The following CHST11 variants were observed in gnomAD, a reference collection of about 807,000 sequenced individuals.
The protein encoded by CHST11 is C4S-1.
In CHST11, 9 loss-of-function variants were observed where a neutral mutation model predicts 30.4. The ratio of observed to expected loss-of-function variants is 0.30; its 90% confidence interval spans 0.18 to 0.52. CHST11 has a LOEUF of 0.52. CHST11 is among the 20% of genes least tolerant of loss of function. CHST11 has a pLI of 0.97. For missense variants in CHST11, 348 were observed against 460.6 expected (o/e 0.76, Z 2.24); for synonymous variants, 152 against 187.8 (o/e 0.81, Z 1.56).
intron 2 of CHST11, among the ~76,000 whole-genome samples, chr12:104,625,228 A>T (rs988593195): frequency 3.3e-5 from 5 of 152,230 alleles, no homozygotes; most frequent in African/African-American, 1.2e-4. Flanking sequence ...CTAGAAAAGC[A>T]AATAGACTTC....
intron 2 of CHST11, among the ~76,000 whole-genome samples, chr12:104,629,559 T>A (rs954979388): frequency 1.3e-5 from 2 of 152,098 alleles, no homozygotes; most frequent in African/African-American, 4.8e-5. Flanking sequence ...CAGTGGCTCA[T>A]GCCTATAATC....
chr12:104,658,985 C>T (rs1032798409), intron 2 of CHST11, among the ~76,000 whole-genome samples: 2 of 152,212 alleles, frequency 1.3e-5, no homozygotes, highest in Non-Finnish European at 2.9e-5. Context: ...ACTTTATAAA[C>T]CACTTCTACT....
intron 2 of CHST11, among the ~76,000 whole-genome samples, chr12:104,701,090 A>T (rs1015396113): frequency 6.6e-6 from 1 of 152,184 alleles, no homozygotes; most frequent in Non-Finnish European, 1.5e-5. Context: ...GATGCCTGCC[A>T]TAGTCCAGTC....
intron 2 of CHST11, among the ~76,000 whole-genome samples, chr12:104,742,341 C>T (rs2040353816): frequency 6.6e-6 from 1 of 152,130 alleles, no homozygotes. Flanking sequence ...CTCTGGGAGG[C>T]CCATCGTGGT....
At position 104,486,864 on chromosome 12, in the gene CHST11, G is replaced by T. The variant is rs75230307; in HGVS notation, c.118+29335G>T. Among the ~76,000 whole-genome samples the T allele has an allele frequency of 2.3e-3, 346 of 152,236 alleles. 2 individuals carry two copies. The highest frequency in any genetic ancestry group is 8.0e-3 in the African/African-American group (333 of 41,536). On this transcript the variant is annotated intron_variant, in intron 1 of 2. Coordinates refer to ENST00000303694, the MANE Select transcript of CHST11 (RefSeq NM_018413.6). ...GAAGAGCATGTTTAAAACGAAGGGG[G>T]GCATACTAGCCTTCTACCCTTTGTT...
At chr12:104,534,845 TC>T (rs1366016329) in intron 1 of CHST11, among the ~76,000 whole-genome samples, 1 of 152,238 alleles carries the variant, frequency 6.6e-6, no homozygotes, top group Non-Finnish European at 1.5e-5. Context: ...GGGCTAGAAA[TC>T]TTTTTATTTC....
At chr12:104,667,578 T>A (rs911961945) in intron 2 of CHST11, among the ~76,000 whole-genome samples, 8 of 152,152 alleles carry the variant, frequency 5.3e-5, no homozygotes, top group Admixed American at 1.3e-4. Flanking sequence ...GGTCCTAACT[T>A]TTTCATCTGC....
At chr12:104,605,192 C>T in intron 2 of CHST11, among the ~76,000 whole-genome samples, 1 of 149,604 alleles carries the variant, frequency 6.7e-6, no homozygotes. Context: ...CAGATTTTCA[C>T]TGGACAAAGG....
At chr12:104,726,662 TAG>T (rs1408558001) in intron 2 of CHST11, among the ~76,000 whole-genome samples, 3 of 152,082 alleles carry the variant, frequency 2.0e-5, no homozygotes, top group African/African-American at 7.2e-5. Context: ...GGCTGGTCTA[TAG>T]GTGTAATGGG....
chr12:104,472,792 G>T (rs1291086558), intron 1 of CHST11, among the ~76,000 whole-genome samples: 1 of 151,724 alleles, frequency 6.6e-6, no homozygotes, highest in African/African-American at 2.4e-5. Flanking sequence ...GGTGGTGATG[G>T]TGGTGGTTGT....
intron 2 of CHST11, among the ~76,000 whole-genome samples, chr12:104,687,504 GA>G (rs1273084683): frequency 6.6e-6 from 1 of 152,210 alleles, no homozygotes; most frequent in Non-Finnish European, 1.5e-5. Flanking sequence ...TTTTACAGAT[GA>G]AGAAAGAGGC....
intron 1 of CHST11, among the ~76,000 whole-genome samples, chr12:104,547,780 G>A (rs1448116384): frequency 9.2e-5 from 14 of 152,194 alleles, no homozygotes; most frequent in Admixed American, 8.5e-4. Flanking sequence ...AATGAGAATA[G>A]TTGTAGTATC....
At chr12:104,479,864 C>A (rs1334467806) in intron 1 of CHST11, among the ~76,000 whole-genome samples, 1 of 152,174 alleles carries the variant, frequency 6.6e-6, no homozygotes, top group Non-Finnish European at 1.5e-5. Flanking sequence ...TGGCTCACCA[C>A]CATGTCTGCC....
chr12:104,605,471 C>CCGGAGGCTGAGGCAGGAGAATGG (rs1423981102), intron 2 of CHST11, among the ~76,000 whole-genome samples: 11 of 152,164 alleles, frequency 7.2e-5, no homozygotes, highest in African/African-American at 2.4e-4. Context: ...CCCAGCTTCT[C>CCGGAGGCTGAGGCAGGAGAATGG]CGGAGGCTGA....
At chr12:104,518,409 T>A (rs141735130) in intron 1 of CHST11, among the ~76,000 whole-genome samples, 162 of 152,290 alleles carry the variant, frequency 1.1e-3, no homozygotes, top group African/African-American at 3.8e-3. Context: ...CCTTCACTAA[T>A]TATATGGGCT....
chr12:104,475,526 A>G (rs1018497632), intron 1 of CHST11, among the ~76,000 whole-genome samples: 2 of 151,598 alleles, frequency 1.3e-5, no homozygotes, highest in African/African-American at 2.4e-5. Flanking sequence ...GACAAAACAG[A>G]CAATGATCCC....
rs116592422 is a variant in CHST11, at chr12:104,566,589, T to C, written c.119-35317T>C. Among the ~76,000 whole-genome samples the C allele has an allele frequency of 2.7e-3, 410 of 152,320 alleles. 2 individuals carry two copies. Among genetic ancestry groups the C allele is most frequent in the African/African-American group, 9.6e-3 (401 of 41,580 alleles). On this transcript the variant is annotated intron_variant, in intron 1 of 2. Transcript: ENST00000303694. ...TCTCAGGGATTGTGAGGGTGGGTTC[T>C]GGAGGGATCTTCTCAACACAGACAG...
intron 1 of CHST11, chr12:104,514,023 TA>T: frequency 2.5e-6 from 2 of 812,872 alleles, no homozygotes; most frequent in Non-Finnish European, 4.3e-6. Context: ...AGTGCAGACT[TA>T]AAAAATGCAG....
intron 2 of CHST11, among the ~76,000 whole-genome samples, chr12:104,632,605 A>G (rs2039281519): frequency 6.6e-6 from 1 of 152,204 alleles, no homozygotes; most frequent in Admixed American, 6.5e-5. Context: ...AACCTCCTGA[A>G]ATCACTTTAT....
Sources: allele counts gnomAD v4.1 joint callset (sites outside exome capture counted in the v4.1 genomes callset), GRCh38; gene constraint gnomAD v4.1.1; transcripts MANE v1.5; gene names NCBI Gene and HGNC (gene_info 2026-07-23, HGNC 2026-07-21).